FAN1: variants seen among roughly 807,000 people sequenced by gnomAD.
FAN1 encodes FANCD2 and FANCI associated nuclease 1.
FAN1 carries 91 observed loss-of-function variants against 104.9 expected under a neutral mutation model. That is an observed-to-expected ratio of 0.87 (90% confidence interval 0.73 to 1.03). The LOEUF is 1.03. Among genes scored for constraint, FAN1 ranks in the 50% least tolerant of loss-of-function variants. The probability of loss-of-function intolerance (pLI) is 0.00; values close to 1 mark genes in which losing one functional copy is unlikely to be tolerated. For missense variants in FAN1, 1,263 were observed against 1,239.9 expected (o/e 1.02, Z -0.28); for synonymous variants, 478 against 457.6 (o/e 1.04, Z -0.57).
In FAN1 at chr15:30,942,938, G is replaced by C; in HGVS notation, c.*1376G>C. The C allele has an allele frequency of 6.4e-7, 1 of 1,566,982 alleles. No homozygotes were observed. Among genetic ancestry groups the C allele is most frequent in the Non-Finnish European group, 8.7e-7 (1 of 1,153,586 alleles). Reference sequence around the variant, plus strand: ...CGGAGCCATTCTGTATACAAGGTGTGCTCTTTCCAATGTAGAAGGGGTTAT... The same window carrying C: ...CGGAGCCATTCTGTATACAAGGTGTCCTCTTTCCAATGTAGAAGGGGTTAT... On this transcript the variant is annotated 3_prime_UTR_variant, in exon 15 of 15. Coordinates refer to ENST00000362065, the MANE Select transcript of FAN1 (RefSeq NM_014967.5).
At chr15:30,934,607 C>T (rs1008727726) in intron 13 of FAN1, among the ~76,000 whole-genome samples, 9 of 152,132 alleles carry the variant, frequency 5.9e-5, no homozygotes, top group African/African-American at 2.2e-4. Context: ...TCTCAAATCC[C>T]CAGGCTCAAG....
At chr15:30,913,340 C>T (rs2062137324) in intron 4 of FAN1, among the ~76,000 whole-genome samples, 1 of 152,218 alleles carries the variant, frequency 6.6e-6, no homozygotes, top group Non-Finnish European at 1.5e-5. Context: ...AAATTCTCTT[C>T]CATGAAACCA....
chr15:30,929,985 T>A (rs1180449099), intron 12 of FAN1, among the ~76,000 whole-genome samples: 14 of 125,070 alleles, frequency 1.1e-4, no homozygotes, highest in African/African-American at 3.3e-4. Context: ...ATATAATATA[T>A]AAGATATCAT....
chr15:30,904,855 T>C lies in FAN1; in HGVS notation c.192T>C (p.Cys64=). 2 of 1,613,502 alleles carry C rather than the reference T, an allele frequency of 1.2e-6. No individual in the cohort carries two copies. The highest frequency in any genetic ancestry group is 1.7e-6 in the Non-Finnish European group (2 of 1,179,478). ...YDLNRHLDEM[C]ANNDFVQVDP... ...TAAACCGGCACCTTGATGAAATGTGTGCTAACAATGACTTCGTTCAAGTGG... is the reference window on the plus strand; with the variant it reads ...TAAACCGGCACCTTGATGAAATGTGCGCTAACAATGACTTCGTTCAAGTGG... Residue 64 remains cysteine, a synonymous_variant, in exon 2 of 15, where the codon TGT becomes TGC. Transcript: ENST00000362065.
At chr15:30,927,876 G>T (rs980959602) in intron 10 of FAN1, 1 of 985,708 alleles carries the variant, frequency 1.0e-6, no homozygotes, top group Non-Finnish European at 1.2e-6. Context: ...CTCTGACTCT[G>T]TGACCTCAGC....
chr15:30,918,552 G>T (rs958552422), intron 6 of FAN1, among the ~76,000 whole-genome samples: 1 of 152,102 alleles, frequency 6.6e-6, no homozygotes, highest in Non-Finnish European at 1.5e-5. Flanking sequence ...TTGACTTGTC[G>T]CATGCCAACT....
chr15:30,938,953 G>A (rs1727662577), intron 14 of FAN1: 7 of 985,188 alleles, frequency 7.1e-6, no homozygotes, highest in Non-Finnish European at 7.2e-6. Flanking sequence ...CAGTCGCTGT[G>A]GAATTTTATT....
intron 11 of FAN1, 175 bp downstream of exon 11, chr15:30,928,831 T>C (rs1391158691): frequency 1.0e-6 from 1 of 962,102 alleles, no homozygotes; most frequent in African/African-American, 1.8e-5. Context: ...GAATTTAAGA[T>C]GTAAGTATGT....
Position 30,904,622 on chromosome 15 carries a change from C to A in FAN1, c.-42C>A. 1 of 1,587,276 alleles carries A rather than the reference C, an allele frequency of 6.3e-7. No individual in the cohort carries two copies. The highest frequency in any genetic ancestry group is 8.6e-7 in the Non-Finnish European group (1 of 1,158,720). ...CATTGCTATCTTTCACCTTAAATAT[C>A]CTGTGTTTTATTGCTCAGAACATCC... On this transcript the variant is annotated 5_prime_UTR_variant, in exon 2 of 15. Coordinates refer to ENST00000362065, the MANE Select transcript of FAN1 (RefSeq NM_014967.5).
chr15:30,928,459 TG>T lies in FAN1; in HGVS notation c.2489-93del, dbSNP rs2062521902. The T allele has an allele frequency of 2.6e-6, 4 of 1,548,460 alleles. No homozygotes were observed. In the South Asian group the frequency reaches 4.9e-5, roughly 19 times the overall value. Reference sequence around the variant, plus strand: ...TCTATTATTTTCTTGAAATTGAGTGTGCAGTAGGTTATGGTGGTGTTTTGGA... The same window carrying T: ...TCTATTATTTTCTTGAAATTGAGTGTCAGTAGGTTATGGTGGTGTTTTGGA... On this transcript the variant is annotated intron_variant, in intron 10 of 14. Transcript: ENST00000362065.
chr15:30,939,107 G>T (rs549035253), intron 14 of FAN1: 2 of 985,380 alleles, frequency 2.0e-6, no homozygotes, highest in Non-Finnish European at 2.4e-6. Flanking sequence ...ACCACTTGAG[G>T]TTACTACTGC....
chr15:30,911,587 T>C (rs1180438886), intron 4 of FAN1: 24 of 956,620 alleles, frequency 2.5e-5, no homozygotes, highest in East Asian at 1.2e-4. Flanking sequence ...GCTCGTGTTA[T>C]AGATTTTTAA....
intron 13 of FAN1, among the ~76,000 whole-genome samples, chr15:30,931,763 G>A (rs943985453): frequency 6.6e-6 from 1 of 151,946 alleles, no homozygotes; most frequent in Non-Finnish European, 1.5e-5. Flanking sequence ...TATACTCTTC[G>A]GTTCCATTGA....
chr15:30,925,229 T>C lies in FAN1; in HGVS notation c.2275T>C (p.Cys759Arg), dbSNP rs1266248758. The C allele has an allele frequency of 4.3e-6, 7 of 1,613,942 alleles. No homozygotes were observed. The highest frequency in any genetic ancestry group is 5.1e-6 in the Non-Finnish European group (6 of 1,180,024). ...CGTGCGCCTGCGAGAGTCTCCGAGC[T>C]GTAAAAAGTTCAAGCACCTCTTCCA... ...RAVRLRESPS[C>R]KKFKHLFQQL... Residue 759 changes from cysteine to arginine, a missense_variant, in exon 9 of 15, where the codon TGT (cysteine) becomes CGT (arginine). Physicochemically the swap from Cys to Arg is radical, Grantham distance 180. This residue lies in a region of FAN1 where 581 missense variants were observed against 668.8 expected (regional missense o/e 0.87). Transcript: ENST00000362065.
rs751789714 is a variant in FAN1, at chr15:30,942,020, A to G, written c.*458A>G. On this transcript the variant is annotated 3_prime_UTR_variant, in exon 15 of 15. Transcript: ENST00000362065. ...TGGAAGTAATTCTTGGTCACTGATG[A>G]TTCCATTCTTTAAGGCAGACGGCAT... is the stretch of plus-strand genomic sequence containing the variant. 1 of 1,613,896 alleles carries G rather than the reference A, an allele frequency of 6.2e-7. No homozygotes were observed. The highest frequency in any genetic ancestry group is 1.1e-5 in the South Asian group (1 of 91,084).
rs781332818 is a variant in FAN1 at position 30,925,938 on chromosome 15, G to C, written c.2487G>C (p.Gln829His). The C allele has an allele frequency of 3.2e-5, 51 of 1,614,066 alleles. No individual in the cohort carries two copies. The highest frequency in any genetic ancestry group is 1.7e-4 in the Middle Eastern group (1 of 6,058). The change falls in exon 10 of 15, where the codon CAG (glutamine) becomes CAC (histidine). Residue 829 changes from glutamine (Q) to histidine (H), a missense_variant and splice_region_variant. Physicochemically the swap from Gln to His is conservative, Grantham distance 24. Transcript: ENST00000362065. ...LAHYRRSGFD[Q>H]GIHGEGSTFS... Reference sequence around the variant, plus strand: ...ATTACAGACGCAGCGGTTTTGACCAGGGTAACTGAGCAGGCTTTCTCTTGT... The same window carrying C: ...ATTACAGACGCAGCGGTTTTGACCACGGTAACTGAGCAGGCTTTCTCTTGT...
intron 1 of FAN1, 47 bp downstream of exon 1, chr15:30,904,058 C>G (rs1188903624): frequency 8.5e-5 from 13 of 152,288 alleles, no homozygotes; most frequent in Admixed American, 3.3e-4. Flanking sequence ...GTCCGCCGTG[C>G]TGGCCGGGGC....
intron 5 of FAN1, among the ~76,000 whole-genome samples, chr15:30,916,200 A>G (rs2062195678): frequency 1.3e-5 from 2 of 152,044 alleles, no homozygotes; most frequent in Admixed American, 1.3e-4. Flanking sequence ...TACTGGCTTT[A>G]CGCTTTTCTG....
Position 30,904,576 on chromosome 15 carries a change from G to A in FAN1, c.-88G>A, listed in dbSNP as rs963747565. 1.5e-6 allele frequency: 2 copies of A among 1,339,408 alleles called. No individual in the cohort carries two copies. 83.0% of individuals were successfully genotyped at this position (1,339,408 alleles called of 1,614,324 possible). ...AGAATCCCACTTTTGGTGATTTCAAGTCAAGAAAGTAAAAGTAAACCATTG... is the reference window on the plus strand; with the variant it reads ...AGAATCCCACTTTTGGTGATTTCAAATCAAGAAAGTAAAAGTAAACCATTG... On this transcript the variant is annotated 5_prime_UTR_variant, in exon 2 of 15. Coordinates refer to ENST00000362065, the MANE Select transcript of FAN1 (RefSeq NM_014967.5).
Sources: allele counts gnomAD v4.1 joint callset (sites outside exome capture counted in the v4.1 genomes callset), GRCh38; gene constraint gnomAD v4.1.1; regional missense constraint gnomAD v4.1.1; transcripts MANE v1.5; gene names NCBI Gene and HGNC (gene_info 2026-07-23, HGNC 2026-07-21).